The following SPMAP2 variants were observed in gnomAD, a reference collection of about 807,000 sequenced individuals.
The protein encoded by SPMAP2 is Theg homolog.
At chr19:373,427 G>A in the SPMAP2 span, 1 of 1,602,726 alleles carries the variant, frequency 6.2e-7, no homozygotes, top group Non-Finnish European at 8.5e-7. Flanking sequence ...CTGGAGGCCG[G>A]CAGCCGGGGG....
the SPMAP2 span, among the ~76,000 whole-genome samples, chr19:372,381 C>A: frequency 1.3e-5 from 2 of 152,256 alleles, no homozygotes; most frequent in African/African-American, 4.8e-5. Context: ...AATCCCCGTT[C>A]ACGGGTGCCC....
the SPMAP2 span, chr19:371,154 G>T: frequency 1.8e-6 from 2 of 1,130,426 alleles, no homozygotes; most frequent in Non-Finnish European, 2.4e-6. Context: ...CTCTCTGCCG[G>T]GTCCCAGCCC....
At chr19:371,194 G>T in the SPMAP2 span, 1 of 1,421,634 alleles carries the variant, frequency 7.0e-7, no homozygotes, top group Non-Finnish European at 9.3e-7. Flanking sequence ...CGGGGGGCAC[G>T]GGGCACCCAC....
the SPMAP2 span, among the ~76,000 whole-genome samples, chr19:363,969 T>G: frequency 6.6e-6 from 1 of 152,180 alleles, no homozygotes; most frequent in Non-Finnish European, 1.5e-5. Flanking sequence ...CGCAAGTAGC[T>G]GGGGCTACAG....
At chr19:362,161 G>A in the SPMAP2 span, 5 of 1,428,338 alleles carry the variant, frequency 3.5e-6, no homozygotes, top group Non-Finnish European at 4.6e-6. Context: ...ACATACACAG[G>A]GTTAGGGTGC....
At chr19:364,116 A>T in the SPMAP2 span, among the ~76,000 whole-genome samples, 2 of 149,936 alleles carry the variant, frequency 1.3e-5, no homozygotes, top group African/African-American at 4.9e-5. Flanking sequence ...GGCGGATCAC[A>T]AGGTCAGGAG....
At chr19:364,823 C>A in the SPMAP2 span, among the ~76,000 whole-genome samples, 1 of 151,908 alleles carries the variant, frequency 6.6e-6, no homozygotes, top group South Asian at 2.1e-4. Flanking sequence ...TGCTTGGAGA[C>A]TAGGAAGAAA....
the SPMAP2 span, chr19:362,241 C>T: frequency 6.4e-7 from 1 of 1,572,402 alleles, no homozygotes; most frequent in African/African-American, 1.3e-5. Context: ...TCTGGTGATG[C>T]TTTTGGGGGT....
chr19:363,382 G>C, the SPMAP2 span, among the ~76,000 whole-genome samples: 19,245 of 151,844 alleles, frequency 0.13, 1,526 homozygotes, highest in African/African-American at 0.21. Flanking sequence ...CAGCAGAGAC[G>C]GGGTTTCACC....
At chr19:365,035 G>A in the SPMAP2 span, among the ~76,000 whole-genome samples, 868 of 152,344 alleles carry the variant, frequency 5.7e-3, 9 homozygotes, top group Middle Eastern at 0.01. Flanking sequence ...GGAAAAGAGT[G>A]TGGAGTCTCT....
the SPMAP2 span, among the ~76,000 whole-genome samples, chr19:370,830 C>G: frequency 1.8e-4 from 26 of 148,406 alleles, no homozygotes; most frequent in Admixed American, 1.6e-3. Flanking sequence ...AGCCCGCAGG[C>G]TGCGGGGTTC....
At chr19:362,188 G>A in the SPMAP2 span, 2 of 1,463,416 alleles carry the variant, frequency 1.4e-6, no homozygotes, top group Non-Finnish European at 1.8e-6. Context: ...GTGTTTACTG[G>A]GAGCGGAGGT....
chr19:363,071 C>T, the SPMAP2 span, among the ~76,000 whole-genome samples: 21 of 152,158 alleles, frequency 1.4e-4, no homozygotes, highest in African/African-American at 5.1e-4. Context: ...TGGGGAGTGA[C>T]AGCTGATGGG....
chr19:372,384 G>A, the SPMAP2 span, among the ~76,000 whole-genome samples: 1 of 152,214 alleles, frequency 6.6e-6, no homozygotes, highest in African/African-American at 2.4e-5. Flanking sequence ...CCCCGTTCAC[G>A]GGTGCCCTCC....
At chr19:364,165 C>G in the SPMAP2 span, among the ~76,000 whole-genome samples, 10 of 149,586 alleles carry the variant, frequency 6.7e-5, no homozygotes, top group Admixed American at 2.7e-4. Flanking sequence ...AATCCCATCT[C>G]TACTAAAAAT....
chr19:375,533 G>A, the SPMAP2 span: 8 of 1,041,700 alleles, frequency 7.7e-6, no homozygotes, highest in Non-Finnish European at 9.4e-6. Flanking sequence ...GGGCCCCTCG[G>A]GAGCAGCGAG....
chr19:369,365 C>CGCCGTCACTTTGGACAACCATT, the SPMAP2 span, among the ~76,000 whole-genome samples: 1 of 150,518 alleles, frequency 6.6e-6, no homozygotes, highest in Non-Finnish European at 1.5e-5. Flanking sequence ...TGCAAGACGG[C>CGCCGTCACTTTGGACAACCATT]GGCCAGGATG....
At chr19:372,019 G>A in the SPMAP2 span, among the ~76,000 whole-genome samples, 8 of 152,182 alleles carry the variant, frequency 5.3e-5, no homozygotes, top group East Asian at 9.6e-4. Context: ...AGTTTAAATT[G>A]TCTTCAGGTC....
chr19:363,620 G>A, the SPMAP2 span, among the ~76,000 whole-genome samples: 2 of 151,752 alleles, frequency 1.3e-5, no homozygotes, highest in African/African-American at 2.4e-5. Flanking sequence ...TGTAACCTCC[G>A]CTCCCCAGGA....
Sources: allele counts gnomAD v4.1 joint callset (sites outside exome capture counted in the v4.1 genomes callset), GRCh38; gene constraint gnomAD v4.1.1; transcripts MANE v1.5; gene names NCBI Gene and HGNC (gene_info 2026-07-23, HGNC 2026-07-21).